The following ANGPT1 variants were observed in gnomAD, a reference collection of about 807,000 sequenced individuals.
The protein encoded by ANGPT1 is angiopoietin-1.
Under a neutral mutation model 62.2 loss-of-function variants are expected in ANGPT1, and 17 were observed. The ratio of observed to expected loss-of-function variants is 0.27; its 90% CI spans 0.19 to 0.41. The LOEUF is 0.41. Among genes scored for constraint, ANGPT1 ranks in the 10% least tolerant of loss-of-function variants. The pLI, the probability that ANGPT1 is intolerant of heterozygous loss-of-function variation, is 1.00. For synonymous variants in ANGPT1, 199 were observed against 198.9 expected, an observed-to-expected ratio of 1.00 and a Z score of 0.00; for missense variants, 478 against 594.9, an observed-to-expected ratio of 0.80 and a Z score of 2.04.
intron 5 of ANGPT1, 112 bp downstream of exon 5, chr8:107,303,128 C>T: frequency 1.6e-6 from 2 of 1,282,356 alleles, no homozygotes; most frequent in Non-Finnish European, 1.1e-6. Context: ...GAAAAAAGTT[C>T]AGGCATCTCT....
intron 1 of ANGPT1, among the ~76,000 whole-genome samples, chr8:107,389,354 G>C (rs1439976898): frequency 1.3e-5 from 2 of 152,140 alleles, no homozygotes; most frequent in Non-Finnish European, 2.9e-5. Context: ...GGTCTGCCAT[G>C]CATAACATGT....
intron 1 of ANGPT1, among the ~76,000 whole-genome samples, chr8:107,396,805 G>C (rs949626171): frequency 6.6e-6 from 1 of 152,012 alleles, no homozygotes; most frequent in Non-Finnish European, 1.5e-5. Context: ...TTATAGGTGT[G>C]AGCCACTGCA....
intron 1 of ANGPT1, among the ~76,000 whole-genome samples, chr8:107,495,656 G>T (rs895462596): frequency 2.9e-4 from 44 of 152,104 alleles, no homozygotes; most frequent in African/African-American, 1.0e-3. Flanking sequence ...AATATGTAAT[G>T]ATTGAATTCT....
chr8:107,467,440 T>A (rs1812233262), intron 1 of ANGPT1, among the ~76,000 whole-genome samples: 1 of 151,988 alleles, frequency 6.6e-6, no homozygotes, highest in African/African-American at 2.4e-5. Context: ...GATCTACCTT[T>A]AGCTTAAAAT....
At chr8:107,260,737 C>T (rs890131837) in intron 8 of ANGPT1, among the ~76,000 whole-genome samples, 5 of 152,224 alleles carry the variant, frequency 3.3e-5, no homozygotes, top group South Asian at 2.1e-4. Context: ...AAGGTAATGG[C>T]GTTTATTACA....
chr8:107,480,753 AG>A (rs1435491136), intron 1 of ANGPT1, among the ~76,000 whole-genome samples: 2 of 152,210 alleles, frequency 1.3e-5, no homozygotes, highest in Non-Finnish European at 2.9e-5. Context: ...AGACAAGAGC[AG>A]AGTTTTCAAT....
chr8:107,388,595 T>C (rs1283706), intron 1 of ANGPT1, among the ~76,000 whole-genome samples: 68,443 of 151,932 alleles, frequency 0.45, 18,126 homozygotes, highest in Non-Finnish European at 0.59. Flanking sequence ...CGCCTGATTA[T>C]ACCGTTCCTG....
intron 3 of ANGPT1, among the ~76,000 whole-genome samples, chr8:107,327,602 T>A (rs1815319003): frequency 2.6e-5 from 4 of 152,114 alleles, no homozygotes; most frequent in Admixed American, 2.6e-4. Flanking sequence ...ATTAAGATGC[T>A]TCTTTTAGGA....
At chr8:107,493,454 C>T (rs1039548251) in intron 1 of ANGPT1, among the ~76,000 whole-genome samples, 1 of 150,316 alleles carries the variant, frequency 6.7e-6, no homozygotes, top group Admixed American at 6.7e-5. Flanking sequence ...TTTTGAGATT[C>T]TAGATTACTG....
chr8:107,461,781 G>A (rs1418552607), intron 1 of ANGPT1, among the ~76,000 whole-genome samples: 2 of 152,034 alleles, frequency 1.3e-5, no homozygotes, highest in African/African-American at 4.8e-5. Flanking sequence ...ATGAATGAAT[G>A]AATAACTATG....
intron 7 of ANGPT1, among the ~76,000 whole-genome samples, chr8:107,267,709 A>G (rs1015852856): frequency 1.3e-5 from 2 of 152,088 alleles, no homozygotes; most frequent in Non-Finnish European, 2.9e-5. Context: ...ATTCAAAGAT[A>G]AAGTCCAAAT....
intron 1 of ANGPT1, among the ~76,000 whole-genome samples, chr8:107,397,692 GCAAGTCAACTCTT>G (rs1047114097): frequency 3.3e-5 from 5 of 152,100 alleles, no homozygotes; most frequent in African/African-American, 9.7e-5. Flanking sequence ...CTCAGAACCA[GCAAGTCAACTCTT>G]CATACTGGAA....
At chr8:107,256,605 A>G (rs2129997908) in intron 8 of ANGPT1, among the ~76,000 whole-genome samples, 1 of 152,258 alleles carries the variant, frequency 6.6e-6, no homozygotes, top group South Asian at 2.1e-4. Context: ...TTCCTCTCTG[A>G]TAAGATTCTG....
intron 8 of ANGPT1, among the ~76,000 whole-genome samples, chr8:107,255,702 A>G (rs186821666): frequency 2.0e-5 from 3 of 152,330 alleles, no homozygotes; most frequent in East Asian, 1.9e-4. Flanking sequence ...GGTCACATTC[A>G]TAATACATAG....
chr8:107,495,556 C>T (rs137878502), intron 1 of ANGPT1, among the ~76,000 whole-genome samples: 36 of 152,228 alleles, frequency 2.4e-4, no homozygotes, highest in African/African-American at 8.7e-4. Flanking sequence ...ACGCTTTAAG[C>T]AAACAAAACA....
intron 2 of ANGPT1, chr8:107,336,553 T>C (rs1218080996): frequency 4.4e-6 from 1 of 227,710 alleles, no homozygotes; most frequent in Non-Finnish European, 8.2e-6. Flanking sequence ...TAGTCCCAGC[T>C]ACTCGGGAGG....
intron 1 of ANGPT1, among the ~76,000 whole-genome samples, chr8:107,496,686 C>T (rs62514488): frequency 0.07 from 10,618 of 152,066 alleles, 480 homozygotes; most frequent in African/African-American, 0.12. Flanking sequence ...AAATATTTAA[C>T]AGAAATCAGT....
chr8:107,347,971 T>A (rs1419187981), intron 1 of ANGPT1, among the ~76,000 whole-genome samples: 6 of 152,180 alleles, frequency 3.9e-5, no homozygotes, highest in Non-Finnish European at 2.9e-5. Flanking sequence ...GCTGAACATA[T>A]GCATTGTTTG....
At chr8:107,483,253 C>T (rs1586361066) in intron 1 of ANGPT1, among the ~76,000 whole-genome samples, 3 of 152,074 alleles carry the variant, frequency 2.0e-5, no homozygotes, top group Non-Finnish European at 4.4e-5. Flanking sequence ...AAGCTTTAGT[C>T]TCATATGAAA....
Sources: gnomAD v4.1 joint callset for allele counts (sites outside exome capture counted in the v4.1 genomes callset) on GRCh38, gnomAD v4.1.1 for gene constraint, MANE v1.5 for transcripts, NCBI Gene and HGNC (gene_info 2026-07-23, HGNC 2026-07-21) for gene names.